Variants in FAT3 observed in about 807,000 individuals in gnomAD.
FAT3 encodes the protein FAT atypical cadherin 3, also known as protocadherin Fat 3.
FAT3 carries 95 observed loss-of-function variants against 310.2 expected under a neutral mutation model. That is an observed-to-expected ratio of 0.31 (90% CI 0.26 to 0.36). The LOEUF (loss-of-function observed/expected upper bound fraction) is 0.36, where lower values mean the gene tolerates loss of function less well. Among genes scored for constraint, FAT3 ranks in the 10% least tolerant of loss-of-function variants. The pLI is 1.00. For missense variants in FAT3, 5,408 were observed against 5,715.6 expected, an observed-to-expected ratio of 0.95 and a Z score of 1.74; for synonymous variants, 2,314 against 2,192.9, an observed-to-expected ratio of 1.06 and a Z score of -1.54.
chr11:92,668,097 G>T (rs891030171), intron 3 of FAT3, among the ~76,000 whole-genome samples: 1 of 152,140 alleles, frequency 6.6e-6, no homozygotes, highest in Non-Finnish European at 1.5e-5. Flanking sequence ...GTCTCCTCTG[G>T]TTTGGGAGCA....
intron 1 of FAT3, among the ~76,000 whole-genome samples, chr11:92,337,718 A>G (rs1291673021): frequency 1.3e-5 from 2 of 152,262 alleles, no homozygotes; most frequent in Non-Finnish European, 2.9e-5. Context: ...GGCGTAAGCC[A>G]CCGCACTTGA....
At chr11:92,793,343 T>G (rs1947085279) in intron 9 of FAT3, among the ~76,000 whole-genome samples, 1 of 152,006 alleles carries the variant, frequency 6.6e-6, no homozygotes, top group South Asian at 2.1e-4. Context: ...CCTGCCAGGG[T>G]GTTCTGTGAA....
intron 1 of FAT3, among the ~76,000 whole-genome samples, chr11:92,351,787 C>G (rs1948574476): frequency 6.6e-6 from 1 of 152,098 alleles, no homozygotes; most frequent in South Asian, 2.1e-4. Context: ...CAATATATCT[C>G]TAAATTGACC....
intron 13 of FAT3, among the ~76,000 whole-genome samples, chr11:92,816,638 G>A (rs1947832949): frequency 6.6e-6 from 1 of 152,206 alleles, no homozygotes; most frequent in Admixed American, 6.5e-5. Flanking sequence ...CATGAGCAGG[G>A]AAAGTTAGCC....
intron 3 of FAT3, among the ~76,000 whole-genome samples, chr11:92,645,140 A>G (rs1591557270): frequency 1.3e-5 from 2 of 152,260 alleles, no homozygotes; most frequent in East Asian, 3.8e-4. Flanking sequence ...CGAATACCAA[A>G]TGTAAGATAA....
In FAT3 at chr11:92,801,821, C is replaced by A. The variant is rs369138787; in HGVS notation, c.8808C>A (p.Ser2936Arg). The A allele has an allele frequency of 1.2e-6, 2 of 1,613,840 alleles. No homozygotes were observed. Among genetic ancestry groups the A allele is most frequent in the Admixed American group, 1.7e-5 (1 of 60,022 alleles). The change falls in exon 10 of 28, where the codon AGC becomes AGA. Residue 2936 changes from serine to arginine, a missense_variant. Physicochemically the swap from Ser to Arg is moderately radical, Grantham distance 110. Transcript: ENST00000525166. ...QEVYRGNVKE[S>R]DPPGEVVAVL... is the part of the protein sequence containing the mutation. ...TGTACCGAGGGAATGTGAAGGAGAG[C>A]GACCCACCGGGCGAGGTGGTAGCCG...
At chr11:92,691,034 C>T (rs1189943096) in intron 3 of FAT3, among the ~76,000 whole-genome samples, 2 of 152,270 alleles carry the variant, frequency 1.3e-5, no homozygotes, top group Non-Finnish European at 2.9e-5. Context: ...GTATTGTTCC[C>T]GATTGGGTGA....
At chr11:92,572,147 A>G (rs1938199304) in intron 3 of FAT3, among the ~76,000 whole-genome samples, 2 of 152,298 alleles carry the variant, frequency 1.3e-5, no homozygotes, top group Admixed American at 1.3e-4. Flanking sequence ...GGGGCTCACC[A>G]TCCAGTGTAC....
chr11:92,847,305 G>A (rs1307051845), intron 19 of FAT3, among the ~76,000 whole-genome samples: 1 of 152,140 alleles, frequency 6.6e-6, no homozygotes, highest in Non-Finnish European at 1.5e-5. Flanking sequence ...ATTGCTTACA[G>A]TGTTCAGTAC....
At position 92,790,018 on chromosome 11, in the gene FAT3, G is replaced by A; in HGVS notation, c.4411G>A (p.Glu1471Lys). Residue 1471 changes from glutamate (E) to lysine (K), a missense_variant, in exon 8 of 28, where the codon GAG (glutamate) becomes AAG (lysine). Glu to Lys is a moderately conservative substitution (Grantham distance 56, BLOSUM62 1). Coordinates refer to ENST00000525166, the MANE Select transcript of FAT3 (RefSeq NM_001367949.2). The part of the protein sequence containing the change: ...SQPNYDVTIS[E>K]DVLPDTEILQ... The stretch of plus-strand genomic sequence containing the variant: ...GCCGAATTACGATGTGACAATTTCC[G>A]AGGATGTGCTTCCAGACACGGAGAT... 3 of 1,613,810 alleles carry A rather than the reference G, an allele frequency of 1.9e-6. No homozygotes were observed. The highest frequency in any genetic ancestry group is 1.7e-6 in the Non-Finnish European group (2 of 1,179,768).
chr11:92,381,726 G>A (rs923980500), intron 2 of FAT3, among the ~76,000 whole-genome samples: 14 of 151,886 alleles, frequency 9.2e-5, no homozygotes, highest in Admixed American at 2.0e-4. Context: ...TAAAATTTGG[G>A]ATTTTTTGGT....
chr11:92,402,237 C>T (rs541208343), intron 2 of FAT3, among the ~76,000 whole-genome samples: 1 of 152,070 alleles, frequency 6.6e-6, no homozygotes, highest in East Asian at 1.9e-4. Context: ...GATAACACAA[C>T]CACGGGAAAA....
intron 3 of FAT3, among the ~76,000 whole-genome samples, chr11:92,532,172 C>T (rs1954102770): frequency 6.6e-6 from 1 of 151,928 alleles, no homozygotes; most frequent in Admixed American, 6.6e-5. Context: ...TATATATGTA[C>T]ACATAAATAT....
At chr11:92,529,402 A>T (rs1175697005) in intron 3 of FAT3, among the ~76,000 whole-genome samples, 1 of 152,194 alleles carries the variant, frequency 6.6e-6, no homozygotes, top group South Asian at 2.1e-4. Flanking sequence ...GAGGCATGAT[A>T]TTATTAGAAA....
chr11:92,331,001 T>TGAGA lies in FAT3; in HGVS notation c.-17-21094_-17-21093insAGAG, dbSNP rs1379858139. Among the ~76,000 whole-genome samples the TGAGA allele has an allele frequency of 9.3e-5, 11 of 117,808 alleles. No homozygotes were observed. In the East Asian group the frequency reaches 1.8e-3, roughly 19 times the overall value. The allele number at this position is 117,808 out of a possible 152,430, so 77.3% of individuals were successfully genotyped here. A position where few individuals can be genotyped will look rare whatever the true frequency, so the allele number is the denominator to read the frequency against. ...GTGTGTGTGTGTGTGTGTGTGTGTG[T>TGAGA]GTGAGAGAGAGAGAGAGAGAAACAT... On this transcript the variant is annotated intron_variant, in intron 1 of 27. Transcript: ENST00000525166.
At chr11:92,851,903 A>C (rs1948838961) in intron 19 of FAT3, among the ~76,000 whole-genome samples, 1 of 152,190 alleles carries the variant, frequency 6.6e-6, no homozygotes. Flanking sequence ...AGTGTTTGCC[A>C]CCAGAGAGGG....
At chr11:92,661,368 A>T (rs1353061568) in intron 3 of FAT3, among the ~76,000 whole-genome samples, 1 of 152,262 alleles carries the variant, frequency 6.6e-6, no homozygotes. Context: ...CCTGGCAGTC[A>T]TCCATGATAT....
At chr11:92,624,453 T>C (rs944103717) in intron 3 of FAT3, among the ~76,000 whole-genome samples, 3 of 152,156 alleles carry the variant, frequency 2.0e-5, no homozygotes, top group African/African-American at 7.2e-5. Context: ...TTCTCTACTC[T>C]GATGCTAGGA....
intron 7 of FAT3, among the ~76,000 whole-genome samples, chr11:92,775,217 A>G (rs980350687): frequency 1.3e-5 from 2 of 152,204 alleles, no homozygotes; most frequent in Non-Finnish European, 2.9e-5. Context: ...CCAACCCTGA[A>G]GCAAGCAAGT....
Sources: gnomAD v4.1 joint callset for allele counts (sites outside exome capture counted in the v4.1 genomes callset) on GRCh38, gnomAD v4.1.1 for gene constraint, MANE v1.5 for transcripts, NCBI Gene and HGNC (gene_info 2026-07-23, HGNC 2026-07-21) for gene names.